Variants in ABCA13 observed in about 807,000 individuals in gnomAD.
The protein encoded by ABCA13 is ATP-binding cassette sub-family A member 13.
Under a neutral mutation model 478.7 loss-of-function variants are expected in ABCA13, and 476 were observed. That is an observed-to-expected ratio of 0.99 (90% CI 0.92 to 1.07). The LOEUF (loss-of-function observed/expected upper bound fraction) is 1.07. Ranked by LOEUF, ABCA13 falls within the 50% of genes least tolerant of loss-of-function variation. ABCA13 has a pLI of 0.00. For synonymous variants in ABCA13, 2,252 were observed against 2,158.9 expected (o/e 1.04, Z -1.20); for missense variants, 6,060 against 5,910.6 (o/e 1.03, Z -0.83).
intron 58 of ABCA13, among the ~76,000 whole-genome samples, chr7:48,610,118 C>T (rs1362453110): frequency 6.6e-6 from 1 of 152,140 alleles, no homozygotes; most frequent in Admixed American, 6.5e-5. Flanking sequence ...AAAGTCAAGG[C>T]CCTTCTGCAT....
intron 56 of ABCA13, among the ~76,000 whole-genome samples, chr7:48,584,718 T>C (rs2131382016): frequency 6.6e-6 from 1 of 152,142 alleles, no homozygotes; most frequent in South Asian, 2.1e-4. Flanking sequence ...TCACATTTAT[T>C]TCAGTGTTTG....
rs185345614 is a variant in ABCA13 at position 48,340,093 on chromosome 7, A to C, written c.10204+1638A>C. On this transcript the variant is annotated intron_variant, in intron 29 of 61. Coordinates refer to ENST00000435803, the MANE Select transcript of ABCA13 (RefSeq NM_152701.5). ...AATCATGCTGTCATTTTTATTCATT[A>C]TATAACTTTCATTTTATTTTTATTT... is the stretch of plus-strand genomic sequence containing the variant. 2.5e-3 allele frequency among the ~76,000 whole-genome samples: 374 copies of C among 152,184 alleles called. 4 individuals are homozygous for C. Among genetic ancestry groups the C allele is most frequent in the Non-Finnish European group, 4.2e-3 (286 of 67,986 alleles).
At chr7:48,218,570 G>A (rs1786841152) in intron 3 of ABCA13, among the ~76,000 whole-genome samples, 1 of 152,134 alleles carries the variant, frequency 6.6e-6, no homozygotes, top group Non-Finnish European at 1.5e-5. Context: ...TGAGATTTCT[G>A]TTGAGTGTAC....
intron 49 of ABCA13, among the ~76,000 whole-genome samples, chr7:48,507,218 A>G (rs926016554): frequency 1.3e-5 from 2 of 152,224 alleles, no homozygotes; most frequent in Non-Finnish European, 2.9e-5. Flanking sequence ...AGCAGAAGGC[A>G]TGGCACAGCA....
chr7:48,594,766 A>T lies in ABCA13; in HGVS notation c.14697A>T (p.Ile4899=), dbSNP rs1371628326. ...CTAAGCGGTACCTGTGGCAAACAATAATGAAGGAGGTTCGGGAAGGCTGTG... is the reference window on the plus strand; with the variant it reads ...CTAAGCGGTACCTGTGGCAAACAATTATGAAGGAGGTTCGGGAAGGCTGTG... ...PCSKRYLWQT[I]MKEVREGCAA... is the part of the protein sequence containing the mutation. Residue 4899 remains isoleucine, a synonymous_variant, in exon 58 of 62, where the codon ATA becomes ATT. Coordinates refer to ENST00000435803, the MANE Select transcript of ABCA13 (RefSeq NM_152701.5). The T allele has an allele frequency of 6.2e-7, 1 of 1,613,946 alleles. No homozygotes were observed. The highest frequency in any genetic ancestry group is 2.2e-5 in the East Asian group (1 of 44,876).
At chr7:48,294,926 C>T (rs1050088887) in intron 20 of ABCA13, among the ~76,000 whole-genome samples, 2 of 152,162 alleles carry the variant, frequency 1.3e-5, no homozygotes, top group African/African-American at 4.8e-5. Context: ...TATATAATGT[C>T]ACATTTTCTC....
At chr7:48,400,575 T>G (rs1023097873) in intron 38 of ABCA13, among the ~76,000 whole-genome samples, 1 of 152,198 alleles carries the variant, frequency 6.6e-6, no homozygotes, top group Non-Finnish European at 1.5e-5. Context: ...AACTTTAAAA[T>G]TAAAAAAAAT....
chr7:48,331,584 C>G (rs1052075304), intron 27 of ABCA13, among the ~76,000 whole-genome samples: 1 of 152,100 alleles, frequency 6.6e-6, no homozygotes, highest in Non-Finnish European at 1.5e-5. Flanking sequence ...AATTTGGAGG[C>G]AGTTGTAGAT....
intron 34 of ABCA13, among the ~76,000 whole-genome samples, chr7:48,375,215 C>G (rs373015512): frequency 3.3e-5 from 5 of 152,140 alleles, no homozygotes; most frequent in African/African-American, 1.2e-4. Flanking sequence ...CTCTATCCCC[C>G]GGTCTGTGGA....
Position 48,272,729 on chromosome 7 carries a change from T to TG in ABCA13, c.3068dup (p.Ile1024AsnfsTer3), listed in dbSNP as rs772879974. 5 of 1,610,534 alleles carry TG rather than the reference T, an allele frequency of 3.1e-6. No individual in the cohort carries two copies. In the African/African-American group the frequency reaches 4.0e-5, roughly 13 times the overall value. The stretch of plus-strand genomic sequence containing the variant: ...TTTTATTTAAGACAGCAGAGGTTCT[T>TG]GGGGGAATTTCTAATGTATCTTACT... On this transcript the variant is annotated frameshift_variant, in exon 17 of 62. Transcript: ENST00000435803. LOFTEE classifies it high-confidence loss of function.
At chr7:48,455,748 T>C (rs1825597153) in intron 43 of ABCA13, among the ~76,000 whole-genome samples, 1 of 152,238 alleles carries the variant, frequency 6.6e-6, no homozygotes, top group African/African-American at 2.4e-5. Flanking sequence ...GAGAAACGTA[T>C]GACAGCACGG....
chr7:48,184,703 C>T (rs1307990387), intron 1 of ABCA13, among the ~76,000 whole-genome samples: 1 of 152,112 alleles, frequency 6.6e-6, no homozygotes, highest in African/African-American at 2.4e-5. Context: ...GCCTGTAATC[C>T]TAGATACCTG....
At chr7:48,319,823 TGAAATGAAAGACTTGAGTA>T (rs1040042670) in intron 27 of ABCA13, among the ~76,000 whole-genome samples, 4 of 152,142 alleles carry the variant, frequency 2.6e-5, no homozygotes, top group Admixed American at 2.0e-4. Context: ...CCTCTATCTG[TGAAATGAAAGACTTGAGTA>T]GATCCGTGAT....
In ABCA13 at chr7:48,637,381, C is replaced by CAAAAAAAAAAAAAAA. The variant is rs1156643955; in HGVS notation, c.14838-5896_14838-5882dup. ...TGTTTTCTTTATTATGTTCATAAAG[C>CAAAAAAAAAAAAAAA]AAAAAAAAAAAAAAAAAAAAAAAAA... is the stretch of plus-strand genomic sequence containing the variant. On this transcript the variant is annotated intron_variant, in intron 59 of 61. Coordinates refer to ENST00000435803, the MANE Select transcript of ABCA13 (RefSeq NM_152701.5). 3.6e-3 allele frequency among the ~76,000 whole-genome samples: 73 copies of CAAAAAAAAAAAAAAA among 20,254 alleles called. 9 individuals are homozygous for CAAAAAAAAAAAAAAA. Among genetic ancestry groups the CAAAAAAAAAAAAAAA allele is most frequent in the African/African-American group, 3.9e-3 (19 of 4,914 alleles). The allele number at this position is 20,254 out of a possible 152,430, so 13.3% of individuals were successfully genotyped here. A position where few individuals can be genotyped will look rare whatever the true frequency, so the allele number is the denominator to read the frequency against.
Position 48,392,074 on chromosome 7 carries a change from G to A in ABCA13, c.11808G>A (p.Leu3936=). ...LLDNLTVREH[L]LLFASIKAPQ... ...ACAACCTCACCGTCCGGGAACATTTGCTGCTCTTTGCTTCCATAAAGGCGC... is the reference window on the plus strand; with the variant it reads ...ACAACCTCACCGTCCGGGAACATTTACTGCTCTTTGCTTCCATAAAGGCGC... The change falls in exon 38 of 62, where the codon TTG becomes TTA. Residue 3936 remains leucine (L), a synonymous_variant. Transcript: ENST00000435803. The A allele has an allele frequency of 3.1e-6, 5 of 1,613,976 alleles. No individual in the cohort carries two copies. Among genetic ancestry groups the A allele is most frequent in the Non-Finnish European group, 4.2e-6 (5 of 1,179,870 alleles).
intron 48 of ABCA13, among the ~76,000 whole-genome samples, chr7:48,505,825 C>T (rs1831155371): frequency 6.6e-6 from 1 of 152,188 alleles, no homozygotes; most frequent in South Asian, 2.1e-4. Flanking sequence ...CCGCTGGCAT[C>T]ACACACATGC....
intron 48 of ABCA13, among the ~76,000 whole-genome samples, chr7:48,496,153 T>C (rs1830257354): frequency 6.6e-6 from 1 of 152,130 alleles, no homozygotes; most frequent in South Asian, 2.1e-4. Flanking sequence ...GTTTTATGTT[T>C]CCTCTGTTTC....
At chr7:48,458,540 C>T (rs1302583558) in intron 43 of ABCA13, among the ~76,000 whole-genome samples, 1 of 152,214 alleles carries the variant, frequency 6.6e-6, no homozygotes, top group Non-Finnish European at 1.5e-5. Flanking sequence ...TAAATCTTAT[C>T]TTATTAGTGT....
intron 55 of ABCA13, among the ~76,000 whole-genome samples, chr7:48,534,372 G>T (rs966292856): frequency 6.6e-6 from 1 of 152,010 alleles, no homozygotes; most frequent in African/African-American, 2.4e-5. Flanking sequence ...TCCTTTATAG[G>T]TTACCTGATG....
Sources: gnomAD v4.1 joint callset for allele counts (sites outside exome capture counted in the v4.1 genomes callset) on GRCh38, gnomAD v4.1.1 for gene constraint, MANE v1.5 for transcripts, NCBI Gene and HGNC (gene_info 2026-07-23, HGNC 2026-07-21) for gene names.